The following BPIFC variants were observed in gnomAD, a reference collection of about 807,000 sequenced individuals.
BPIFC encodes the protein BPI fold-containing family C protein.
Under a neutral mutation model 57.6 loss-of-function variants are expected in BPIFC, and 60 were observed. The ratio of observed to expected loss-of-function variants is 1.04; its 90% confidence interval spans 0.85 to 1.29. The LOEUF (loss-of-function observed/expected upper bound fraction) is 1.29. Ranked by LOEUF, BPIFC falls within the 50% of genes most tolerant of loss-of-function variation. The pLI, the probability that BPIFC is intolerant of heterozygous loss-of-function variation, is 0.00. For synonymous variants in BPIFC, 243 were observed against 224.5 expected (o/e 1.08, Z -0.74); for missense variants, 581 against 600.5 (o/e 0.97, Z 0.34).
At chr22:32,457,189 A>G (rs1333761745) in intron 3 of BPIFC, 74 bp downstream of exon 3, 1 of 1,511,928 alleles carries the variant, frequency 6.6e-7, no homozygotes, top group Non-Finnish European at 8.8e-7. Context: ...AGCCCATGTT[A>G]TGAGCTGTTC....
rs748004048 is a variant in BPIFC, at chr22:32,435,861, T to C, written c.767A>G (p.Glu256Gly). The C allele has an allele frequency of 1.2e-6, 2 of 1,614,016 alleles. No homozygotes were observed. The highest frequency in any genetic ancestry group is 1.7e-6 in the Non-Finnish European group (2 of 1,179,970). ...TGAGAAGGGGGGGTCGGTGAGGTTTTCCAGTGGGTAGAATACACCCTGTGG... is the reference window on the plus strand; with the variant it reads ...TGAGAAGGGGGGGTCGGTGAGGTTTCCCAGTGGGTAGAATACACCCTGTGG... ...LNLKGVFYPL[E>G]NLTDPPFSPV... is the part of the protein sequence containing the mutation. Residue 256 changes from glutamate (E) to glycine (G), a missense_variant, in exon 10 of 17, where the codon GAA becomes GGA. By Grantham distance (98) the Glu-to-Gly change is moderately conservative. Coordinates refer to ENST00000300399, the MANE Select transcript of BPIFC (RefSeq NM_174932.3).
At chr22:32,419,023 CTA>C (rs1237249517) in intron 14 of BPIFC, among the ~76,000 whole-genome samples, 3 of 152,086 alleles carry the variant, frequency 2.0e-5, no homozygotes, top group African/African-American at 7.2e-5. Flanking sequence ...ATATGTAACT[CTA>C]TATGTCTCGT....
intron 1 of BPIFC, among the ~76,000 whole-genome samples, chr22:32,463,877 C>T (rs1364702482): frequency 6.6e-6 from 1 of 152,160 alleles, no homozygotes; most frequent in East Asian, 1.9e-4. Flanking sequence ...CCAACAAGTT[C>T]AACAGTCCAG....
chr22:32,445,178 T>G (rs1176773515), intron 7 of BPIFC, among the ~76,000 whole-genome samples: 1 of 152,212 alleles, frequency 6.6e-6, no homozygotes, highest in East Asian at 1.9e-4. Context: ...TTAATGTGTG[T>G]GAAAGTGCCT....
chr22:32,459,549 G>C (rs1441944923), intron 2 of BPIFC, among the ~76,000 whole-genome samples: 1 of 152,094 alleles, frequency 6.6e-6, no homozygotes. Context: ...TGTAGTCCCA[G>C]CTACTCGGGA....
chr22:32,450,601 CT>C (rs1296139541), intron 4 of BPIFC, among the ~76,000 whole-genome samples: 2 of 151,470 alleles, frequency 1.3e-5, no homozygotes, highest in South Asian at 2.1e-4. Flanking sequence ...GAGATATTTT[CT>C]TTTTTTAAAA....
intron 2 of BPIFC, 127 bp downstream of exon 2, chr22:32,461,447 C>T (rs1250361786): frequency 8.1e-6 from 3 of 368,560 alleles, no homozygotes; most frequent in African/African-American, 6.6e-5. Flanking sequence ...GATCTCTGGC[C>T]AAGCAATGAG....
intron 10 of BPIFC, among the ~76,000 whole-genome samples, chr22:32,435,154 C>T (rs1483022372): frequency 6.6e-6 from 1 of 152,046 alleles, no homozygotes; most frequent in East Asian, 1.9e-4. Flanking sequence ...TTCTGGCCCA[C>T]AGAAGTTATA....
intron 9 of BPIFC, among the ~76,000 whole-genome samples, chr22:32,436,355 G>A (rs772318911): frequency 3.8e-4 from 30 of 79,724 alleles, no homozygotes; most frequent in Admixed American, 1.1e-3. Context: ...AAGAGGAGGA[G>A]GAGGAGGAGG....
chr22:32,444,884 C>G (rs1446963455), intron 7 of BPIFC, among the ~76,000 whole-genome samples: 1 of 152,176 alleles, frequency 6.6e-6, no homozygotes, highest in African/African-American at 2.4e-5. Flanking sequence ...TAACTGTATA[C>G]TAAATTCAAG....
intron 4 of BPIFC, among the ~76,000 whole-genome samples, chr22:32,448,950 G>T (rs1934811307): frequency 6.6e-6 from 1 of 151,532 alleles, no homozygotes; most frequent in South Asian, 2.1e-4. Context: ...AAAAAAAAAA[G>T]AAATTATTAT....
At chr22:32,458,221 G>A (rs1387519684) in intron 2 of BPIFC, among the ~76,000 whole-genome samples, 1 of 152,022 alleles carries the variant, frequency 6.6e-6, no homozygotes, top group Non-Finnish European at 1.5e-5. Flanking sequence ...CACACACCTG[G>A]CTCTCATGAT....
rs769532871 is a variant in BPIFC at position 32,433,729 on chromosome 22, A to C, written c.968T>G (p.Val323Gly). The C allele has an allele frequency of 1.1e-4, 177 of 1,613,906 alleles. No individual in the cohort carries two copies. Among genetic ancestry groups the C allele is most frequent in the Non-Finnish European group, 1.4e-4 (169 of 1,179,912 alleles). The change falls in exon 11 of 17, where the codon GTG becomes GGG. Residue 323 changes from valine (V) to glycine (G), a missense_variant. Physicochemically the swap from Val to Gly is moderately radical, Grantham distance 109. Transcript: ENST00000300399. Reference sequence around the variant, plus strand: ...ACCCTGAGCACTTACCCGGGAGAGCACGTTGCCAAGGCCTTGAGAGTTTTG... The same window carrying C: ...ACCCTGAGCACTTACCCGGGAGAGCCCGTTGCCAAGGCCTTGAGAGTTTTG... ...FVQNSQGLGN[V>G]LSRIAEIYIL...
chr22:32,453,602 C>T (rs2009939115), intron 3 of BPIFC, 99 bp from the exon 4 acceptor site: 1 of 1,361,252 alleles, frequency 7.3e-7, no homozygotes, highest in Non-Finnish European at 9.6e-7. Flanking sequence ...TGAGACATGC[C>T]CTTAGATACT....
intron 16 of BPIFC, among the ~76,000 whole-genome samples, chr22:32,415,483 T>C (rs1408184246): frequency 6.6e-6 from 1 of 152,228 alleles, no homozygotes; most frequent in African/African-American, 2.4e-5. Flanking sequence ...TGTGTGCCTT[T>C]GGTTCAGGGG....
intron 15 of BPIFC, 90 bp downstream of exon 15, chr22:32,416,995 G>A: frequency 8.8e-7 from 1 of 1,139,662 alleles, no homozygotes; most frequent in Non-Finnish European, 1.3e-6. Flanking sequence ...GCTTCAGGGT[G>A]GAAAGTCCCA....
chr22:32,444,797 C>T (rs189573986), intron 7 of BPIFC, among the ~76,000 whole-genome samples: 1 of 152,258 alleles, frequency 6.6e-6, no homozygotes, highest in East Asian at 1.9e-4. Context: ...AAAATTATCT[C>T]CCAGGACACT....
chr22:32,432,957 C>T (rs1311058249), intron 11 of BPIFC, among the ~76,000 whole-genome samples: 5 of 152,126 alleles, frequency 3.3e-5, no homozygotes, highest in South Asian at 4.1e-4. Context: ...AATCCTAGCA[C>T]GTTGGGAGGC....
At chr22:32,447,801 A>C (rs994051510) in intron 4 of BPIFC, among the ~76,000 whole-genome samples, 1 of 151,532 alleles carries the variant, frequency 6.6e-6, no homozygotes, top group African/African-American at 2.4e-5. Flanking sequence ...TAGAGGCAGG[A>C]TCTCACTGTG....
Sources: gnomAD v4.1 joint callset for allele counts (sites outside exome capture counted in the v4.1 genomes callset) on GRCh38, gnomAD v4.1.1 for gene constraint, MANE v1.5 for transcripts, NCBI Gene and HGNC (gene_info 2026-07-23, HGNC 2026-07-21) for gene names.